The following ZNF423 variants were observed in gnomAD, a reference collection of about 807,000 sequenced individuals.
ZNF423 encodes zinc finger protein 423.
Under a neutral mutation model 95.8 loss-of-function variants are expected in ZNF423, and 12 were observed. That is an observed-to-expected ratio of 0.13 (90% CI 0.08 to 0.20). The LOEUF (loss-of-function observed/expected upper bound fraction) is 0.20. ZNF423 is among the 10% of genes least tolerant of loss of function. ZNF423 has a pLI of 1.00. For missense variants in ZNF423, 1,316 were observed against 1,737.1 expected (o/e 0.76, Z 4.31); for synonymous variants, 749 against 711.9 (o/e 1.05, Z -0.83).
intron 5 of ZNF423, among the ~76,000 whole-genome samples, chr16:49,580,389 G>A (rs187650393): frequency 6.6e-6 from 1 of 152,298 alleles, no homozygotes; most frequent in East Asian, 1.9e-4. Context: ...TTGTTTGCCT[G>A]TTTATTCCTG....
intron 1 of ZNF423, among the ~76,000 whole-genome samples, chr16:49,795,513 T>G (rs2034483928): frequency 6.6e-6 from 1 of 152,182 alleles, no homozygotes; most frequent in South Asian, 2.1e-4. Context: ...GCCCATGCAA[T>G]GGGAATCATC....
intron 3 of ZNF423, among the ~76,000 whole-genome samples, chr16:49,644,821 AC>A (rs1453675428): frequency 6.6e-6 from 1 of 151,810 alleles, no homozygotes; most frequent in East Asian, 1.9e-4. Context: ...GGTGCATCCC[AC>A]CTTGGTCCTG....
At chr16:49,592,085 A>C (rs9940828) in intron 5 of ZNF423, among the ~76,000 whole-genome samples, 70,914 of 152,120 alleles carry the variant, frequency 0.47, 17,321 homozygotes, top group East Asian at 0.62. Context: ...AAAGTAATTG[A>C]GGTTTTTGCA....
chr16:49,582,755 C>T (rs545683301), intron 5 of ZNF423, among the ~76,000 whole-genome samples: 1 of 152,126 alleles, frequency 6.6e-6, no homozygotes, highest in Admixed American at 6.5e-5. Flanking sequence ...CACAAATATG[C>T]ATTACTTTTG....
chr16:49,700,918 G>A (rs970922377), intron 3 of ZNF423, among the ~76,000 whole-genome samples: 10 of 152,092 alleles, frequency 6.6e-5, no homozygotes, highest in African/African-American at 2.4e-4. Flanking sequence ...GAGGAGGGAG[G>A]AGGGAAGAGG....
At chr16:49,696,699 G>C (rs2031986381) in intron 3 of ZNF423, among the ~76,000 whole-genome samples, 1 of 143,788 alleles carries the variant, frequency 7.0e-6, no homozygotes, top group Admixed American at 7.3e-5. Context: ...GGCCTTTGTT[G>C]CCAGAGTCCT....
At chr16:49,545,324 T>C (rs1969400523) in intron 5 of ZNF423, among the ~76,000 whole-genome samples, 1 of 152,158 alleles carries the variant, frequency 6.6e-6, no homozygotes, top group African/African-American at 2.4e-5. Context: ...CAGTGCTCCT[T>C]CCCCTGCCCA....
At chr16:49,680,253 G>A (rs2031293821) in intron 3 of ZNF423, among the ~76,000 whole-genome samples, 1 of 152,218 alleles carries the variant, frequency 6.6e-6, no homozygotes, top group East Asian at 1.9e-4. Context: ...GGCACTTGTT[G>A]GGCGACCTGC....
chr16:49,735,182 G>T (rs772097064), intron 2 of ZNF423, among the ~76,000 whole-genome samples: 1 of 152,110 alleles, frequency 6.6e-6, no homozygotes, highest in Non-Finnish European at 1.5e-5. Flanking sequence ...AGCCTTGAAG[G>T]TCATCTTTCA....
Position 49,635,716 on chromosome 16 carries a change from G to A in ZNF423, c.3460C>T (p.Leu1154Phe), listed in dbSNP as rs200585157. Reference protein sequence around the residue: ...ESHMQVDHRDLTPETSGPRKG... With the variant: ...ESHMQVDHRDFTPETSGPRKG... ...CGGGGCCCACTGGTCTCCGGCGTGA[G>A]GTCACGGTGGTCCACCTGCATGTGG... Residue 1154 changes from leucine to phenylalanine, a missense_variant, in exon 4 of 8, where the codon CTC (leucine) becomes TTC (phenylalanine). Physicochemically the swap from Leu to Phe is conservative, Grantham distance 22 (BLOSUM62 0). Transcript: ENST00000563137. The surrounding 1 kb of genome is among the most constrained non-coding windows in gnomAD (Gnocchi z 4.8). 7.5e-6 allele frequency: 12 copies of A among 1,608,740 alleles called. No individual in the cohort carries two copies. Among genetic ancestry groups the A allele is most frequent in the Non-Finnish European group, 8.5e-6 (10 of 1,178,380 alleles).
chr16:49,769,143 G>A (rs2033984395), intron 2 of ZNF423, among the ~76,000 whole-genome samples: 1 of 152,090 alleles, frequency 6.6e-6, no homozygotes, highest in South Asian at 2.1e-4. Flanking sequence ...ATCACCTGAG[G>A]TCAGGAGTTC....
Position 49,542,460 on chromosome 16 carries a change from T to C in ZNF423, c.3602-16966A>G, listed in dbSNP as rs139483485. On this transcript the variant is annotated intron_variant, in intron 5 of 7. Coordinates refer to ENST00000563137, the MANE Select transcript of ZNF423 (RefSeq NM_001379286.1). ...CTGGGCTGGTCCCTATGGATGGCCC[T>C]GAAAAGATGTGAGTCATCATCCACT... Among the ~76,000 whole-genome samples, 360 of 152,342 alleles carry C rather than the reference T, an allele frequency of 2.4e-3. 1 individual carries two copies. The highest frequency in any genetic ancestry group is 7.7e-3 in the African/African-American group (322 of 41,584).
At chr16:49,768,938 T>A (rs767097636) in intron 2 of ZNF423, among the ~76,000 whole-genome samples, 2 of 152,146 alleles carry the variant, frequency 1.3e-5, no homozygotes, top group Non-Finnish European at 2.9e-5. Context: ...CAACTTCTCC[T>A]AGCACCCTGC....
At chr16:49,581,978 C>T (rs1034730801) in intron 5 of ZNF423, among the ~76,000 whole-genome samples, 1 of 152,198 alleles carries the variant, frequency 6.6e-6, no homozygotes, top group African/African-American at 2.4e-5. Context: ...TTTTTTCCTT[C>T]TCTCTCGCTC....
chr16:49,577,873 C>T (rs1032480062), intron 5 of ZNF423, among the ~76,000 whole-genome samples: 2 of 152,170 alleles, frequency 1.3e-5, no homozygotes, highest in African/African-American at 4.8e-5. Flanking sequence ...GATAGAGACC[C>T]GGCTCCCAGC....
At chr16:49,613,576 G>C (rs1567503834) in intron 5 of ZNF423, among the ~76,000 whole-genome samples, 1 of 152,168 alleles carries the variant, frequency 6.6e-6, no homozygotes, top group Non-Finnish European at 1.5e-5. Flanking sequence ...TGTAGTCCTA[G>C]CTATTTTGTT....
intron 3 of ZNF423, among the ~76,000 whole-genome samples, chr16:49,698,451 AC>A (rs2032055398): frequency 6.6e-6 from 1 of 152,196 alleles, no homozygotes; most frequent in East Asian, 1.9e-4. Flanking sequence ...AGGTCCGCCA[AC>A]CATCCCCCGA....
chr16:49,738,974 T>C (rs555489244), intron 2 of ZNF423, among the ~76,000 whole-genome samples: 13 of 151,676 alleles, frequency 8.6e-5, no homozygotes, highest in African/African-American at 3.1e-4. Context: ...ATAAAGACAG[T>C]CATTAAGTAA....
At position 49,640,172 on chromosome 16, in the gene ZNF423, C is replaced by T. The variant is rs573560977; in HGVS notation, c.302-1298G>A. Among the ~76,000 whole-genome samples, 12 of 152,268 alleles carry T rather than the reference C, an allele frequency of 7.9e-5. No homozygotes were observed. The South Asian group carries it at 2.3e-3, about 29-fold the overall frequency. On this transcript the variant is annotated intron_variant, in intron 3 of 7. Transcript: ENST00000563137. ...TGAGTCTTCAGAAGAGCCTCACAGA[C>T]GTAACCCAGACGTAACCTTGGCCCA...
Sources: allele counts gnomAD v4.1 joint callset (sites outside exome capture counted in the v4.1 genomes callset), GRCh38; gene constraint gnomAD v4.1.1; non-coding constraint Gnocchi (gnomAD v3.1); transcripts MANE v1.5; gene names NCBI Gene and HGNC (gene_info 2026-07-23, HGNC 2026-07-21).